The following PTPRM variants were observed in gnomAD, a reference collection of about 807,000 sequenced individuals.
PTPRM encodes the protein protein tyrosine phosphatase receptor type M, also known as receptor-type tyrosine-protein phosphatase mu.
A neutral mutation model predicts 186.7 loss-of-function variants in PTPRM; 47 were observed. That is an observed-to-expected ratio of 0.25 (90% CI 0.20 to 0.32). The LOEUF is 0.32. Among genes scored for constraint, PTPRM ranks in the 10% least tolerant of loss-of-function variants. The pLI is 1.00. For synonymous variants in PTPRM, 668 were observed against 674.9 expected, an observed-to-expected ratio of 0.99 and a Z score of 0.16; for missense variants, 1,494 against 1,865.0, an observed-to-expected ratio of 0.80 and a Z score of 3.66.
At chr18:7,799,402 C>G (rs1406937713) in intron 2 of PTPRM, among the ~76,000 whole-genome samples, 1 of 152,150 alleles carries the variant, frequency 6.6e-6, no homozygotes, top group Non-Finnish European at 1.5e-5. Flanking sequence ...ACATTCAAGT[C>G]ATAGCCAATA....
intron 11 of PTPRM, among the ~76,000 whole-genome samples, chr18:8,090,496 T>A (rs1040920452): frequency 9.9e-5 from 15 of 152,240 alleles, no homozygotes; most frequent in African/African-American, 3.6e-4. Context: ...CTTATATGGA[T>A]ACCTTTTGCA....
chr18:7,757,512 A>G (rs1306341067), intron 1 of PTPRM, among the ~76,000 whole-genome samples: 1 of 152,212 alleles, frequency 6.6e-6, no homozygotes, highest in Non-Finnish European at 1.5e-5. Context: ...TCTTGCTACC[A>G]TAGTCAAGGA....
chr18:8,296,343 A>AT, intron 19 of PTPRM, 25 bp from the exon 20 acceptor site: 2 of 1,491,234 alleles, frequency 1.3e-6, no homozygotes, highest in Non-Finnish European at 1.9e-6. Flanking sequence ...CCAAATTGTA[A>AT]TTCTCAGTCT....
intron 23 of PTPRM, among the ~76,000 whole-genome samples, chr18:8,357,493 A>T (rs2095569796): frequency 6.6e-6 from 1 of 152,156 alleles, no homozygotes; most frequent in Non-Finnish European, 1.5e-5. Context: ...TTACCTAGTG[A>T]TCAGCAGGGC....
intron 1 of PTPRM, among the ~76,000 whole-genome samples, chr18:7,582,666 T>C (rs903858079): frequency 7.2e-5 from 11 of 152,154 alleles, no homozygotes; most frequent in African/African-American, 1.7e-4. Context: ...TGGGAAATCA[T>C]GGGCAGCATG....
At chr18:8,382,476 A>T (rs1182495237) in intron 29 of PTPRM, among the ~76,000 whole-genome samples, 1 of 152,206 alleles carries the variant, frequency 6.6e-6, no homozygotes, top group Non-Finnish European at 1.5e-5. Flanking sequence ...AACAGTGGGT[A>T]CACTTTGGGC....
At chr18:8,196,712 C>T (rs962629789) in intron 14 of PTPRM, among the ~76,000 whole-genome samples, 5 of 152,200 alleles carry the variant, frequency 3.3e-5, no homozygotes, top group African/African-American at 1.2e-4. Context: ...CCAGCACTGA[C>T]GTTTCTAAAT....
intron 2 of PTPRM, among the ~76,000 whole-genome samples, chr18:7,870,279 C>T (rs989006151): frequency 2.0e-5 from 3 of 152,108 alleles, no homozygotes; most frequent in Non-Finnish European, 2.9e-5. Context: ...CTTACTTATG[C>T]TCCTAACTAC....
chr18:8,240,822 GAGAGAAAGAAAGAAAGAAAGAAAAGAA>G (rs2094425157), intron 14 of PTPRM, among the ~76,000 whole-genome samples: 2 of 25,382 alleles, frequency 7.9e-5, no homozygotes, highest in Admixed American at 7.4e-4. Context: ...GAGAGAGAGA[GAGAGAAAGAAAGAAAGAAAGAAAAGAA>G]AGAAAGAAAG....
Position 7,926,648 on chromosome 18 carries a change from G to A in PTPRM, c.628G>A (p.Gly210Ser), listed in dbSNP as rs1486951176. 11 of 1,613,300 alleles carry A rather than the reference G, an allele frequency of 6.8e-6. No homozygotes were observed. Among genetic ancestry groups the A allele is most frequent in the Middle Eastern group, 1.7e-4 (1 of 6,060 alleles). ...TGCTACCTTCCAGTGCAGTGCCATC[G>A]GCAGGACCGTGGCAGGAGACAGGCT... is the stretch of plus-strand genomic sequence containing the variant. ...QFATFQCSAI[G>S]RTVAGDRLWL... The change falls in exon 5 of 33, where the codon GGC (glycine) becomes AGC (serine). Residue 210 changes from glycine (G) to serine (S), a missense_variant. Coordinates refer to ENST00000580170, the MANE Select transcript of PTPRM (RefSeq NM_001105244.2).
At chr18:8,133,183 G>A (rs1013414667) in intron 13 of PTPRM, among the ~76,000 whole-genome samples, 2 of 152,000 alleles carry the variant, frequency 1.3e-5, no homozygotes, top group Admixed American at 6.6e-5. Flanking sequence ...CATCTCTTAA[G>A]GACTCCACCT....
At chr18:8,026,217 A>G (rs1401482484) in intron 7 of PTPRM, among the ~76,000 whole-genome samples, 1 of 152,240 alleles carries the variant, frequency 6.6e-6, no homozygotes, top group East Asian at 1.9e-4. Context: ...TTATGCCTCC[A>G]TGGAAAGTCT....
At chr18:8,003,652 G>T (rs150371488) in intron 7 of PTPRM, among the ~76,000 whole-genome samples, 197 of 152,334 alleles carry the variant, frequency 1.3e-3, no homozygotes, top group African/African-American at 4.4e-3. Flanking sequence ...CATAGCTGTG[G>T]CTTAAAGCCT....
At chr18:8,306,852 AT>A (rs573517714) in intron 20 of PTPRM, among the ~76,000 whole-genome samples, 2 of 152,206 alleles carry the variant, frequency 1.3e-5, no homozygotes, top group Non-Finnish European at 2.9e-5. Context: ...TCTGTGAGGC[AT>A]TTCCTCATAA....
At chr18:8,203,495 A>G (rs1329562587) in intron 14 of PTPRM, among the ~76,000 whole-genome samples, 1 of 152,208 alleles carries the variant, frequency 6.6e-6, no homozygotes, top group East Asian at 1.9e-4. Context: ...TTGATTCTTG[A>G]GCAAAATGAA....
intron 7 of PTPRM, among the ~76,000 whole-genome samples, chr18:7,987,687 C>T (rs1176483740): frequency 1.3e-5 from 2 of 152,060 alleles, no homozygotes; most frequent in Non-Finnish European, 2.9e-5. Context: ...GTTTAGAAAA[C>T]TCATAAAAAG....
intron 5 of PTPRM, among the ~76,000 whole-genome samples, chr18:7,948,679 A>T (rs1171461803): frequency 6.6e-6 from 1 of 152,182 alleles, no homozygotes; most frequent in Admixed American, 6.5e-5. Flanking sequence ...AAAGGGTTGA[A>T]CTATTCTTTT....
intron 14 of PTPRM, among the ~76,000 whole-genome samples, chr18:8,240,697 G>GAA (rs1601422000): frequency 3.6e-5 from 2 of 54,958 alleles, no homozygotes; most frequent in East Asian, 5.8e-4. Context: ...GAGAGAAAGA[G>GAA]AGAAAGAAAG....
rs764930222 is a variant in PTPRM at position 8,384,528 on chromosome 18, A to G, written c.3919-33A>G. 5 of 1,612,318 alleles carry G rather than the reference A, an allele frequency of 3.1e-6. No homozygotes were observed. In the South Asian group the frequency reaches 5.5e-5, roughly 18 times the overall value. On this transcript the variant is annotated intron_variant, in intron 29 of 32. Transcript: ENST00000580170. ...CTGTTAGGAGTAAATTTCCTCTTAT[A>G]ACTAACCTTGTGTTTATATGTTTTG...
Sources: gnomAD v4.1 joint callset for allele counts (sites outside exome capture counted in the v4.1 genomes callset) on GRCh38, gnomAD v4.1.1 for gene constraint, MANE v1.5 for transcripts, NCBI Gene and HGNC (gene_info 2026-07-23, HGNC 2026-07-21) for gene names.